Variants in STX8 observed in about 807,000 individuals in gnomAD.
STX8 encodes syntaxin 8, also known as syntaxin-8.
In STX8, 23 loss-of-function variants were observed where a neutral mutation model predicts 37.5. The ratio of observed to expected loss-of-function variants is 0.61; its 90% confidence interval spans 0.44 to 0.87. The LOEUF (loss-of-function observed/expected upper bound fraction) is 0.87. Ranked by LOEUF, STX8 falls within the 40% of genes least tolerant of loss-of-function variation. The pLI is 0.00. For missense variants in STX8, 313 were observed against 284.7 expected (o/e 1.10, Z -0.71); for synonymous variants, 115 against 99.1 (o/e 1.16, Z -0.95).
chr17:9,407,279 T>G (rs866878869), intron 6 of STX8, among the ~76,000 whole-genome samples: 1 of 152,152 alleles, frequency 6.6e-6, no homozygotes, highest in African/African-American at 2.4e-5. Context: ...CCCCCCTGCC[T>G]TGGCCTCCCA....
At chr17:9,569,415 T>C (rs1034443646) in intron 1 of STX8, 3 of 154,468 alleles carry the variant, frequency 1.9e-5, no homozygotes, top group African/African-American at 7.2e-5. Flanking sequence ...TGCAGATGCC[T>C]GGGGGCGGCT....
chr17:9,437,573 A>C (rs1355733759), intron 6 of STX8, among the ~76,000 whole-genome samples: 1 of 152,230 alleles, frequency 6.6e-6, no homozygotes, highest in Non-Finnish European at 1.5e-5. Context: ...CTACAGCTAC[A>C]CATTTACTCT....
At chr17:9,285,562 C>G (rs1033759176) in intron 7 of STX8, among the ~76,000 whole-genome samples, 7 of 152,202 alleles carry the variant, frequency 4.6e-5, no homozygotes, top group African/African-American at 1.7e-4. Context: ...GGGTGAAGCC[C>G]AGAACATTAC....
chr17:9,316,964 C>A (rs568350375), intron 7 of STX8, among the ~76,000 whole-genome samples: 4 of 152,072 alleles, frequency 2.6e-5, no homozygotes, highest in Admixed American at 1.3e-4. Context: ...TGAAGCATTG[C>A]GGGTGAGGAG....
chr17:9,430,661 T>A (rs1191453203), intron 6 of STX8, among the ~76,000 whole-genome samples: 2 of 150,502 alleles, frequency 1.3e-5, no homozygotes, highest in Non-Finnish European at 3.0e-5. Flanking sequence ...TTTTTTTTTT[T>A]TTTTTTGAGA....
At chr17:9,437,130 T>C (rs1187584867) in intron 6 of STX8, among the ~76,000 whole-genome samples, 1 of 152,250 alleles carries the variant, frequency 6.6e-6, no homozygotes, top group Non-Finnish European at 1.5e-5. Context: ...CAGACAGTTG[T>C]ACTATTAATT....
intron 7 of STX8, among the ~76,000 whole-genome samples, chr17:9,267,120 T>C (rs1316789278): frequency 6.6e-6 from 1 of 152,164 alleles, no homozygotes; most frequent in Non-Finnish European, 1.5e-5. Context: ...TTTCCCTCTT[T>C]GGAAGCTGTA....
chr17:9,283,984 T>G (rs1017411270), intron 7 of STX8, among the ~76,000 whole-genome samples: 1 of 152,228 alleles, frequency 6.6e-6, no homozygotes, highest in African/African-American at 2.4e-5. Context: ...GAAGCCTTTT[T>G]TATTCTAAAG....
At chr17:9,349,085 G>A (rs773803408) in intron 7 of STX8, among the ~76,000 whole-genome samples, 5 of 152,094 alleles carry the variant, frequency 3.3e-5, no homozygotes, top group Non-Finnish European at 5.9e-5. Context: ...TCTGCCTTCC[G>A]GGTTCAAGTG....
At chr17:9,441,474 C>T (rs1471021470) in intron 6 of STX8, among the ~76,000 whole-genome samples, 16 of 142,786 alleles carry the variant, frequency 1.1e-4, no homozygotes, top group Non-Finnish European at 2.1e-4. Context: ...TGGCACAGAG[C>T]GAGACTCCAT....
rs114795702 is a variant in STX8 at position 9,520,904 on chromosome 17, G to A, written c.324-15742C>T. On this transcript the variant is annotated intron_variant, in intron 4 of 7. Coordinates refer to ENST00000306357, the MANE Select transcript of STX8 (RefSeq NM_004853.3). ...TGTCTGGAAAAAATATCAGTGTTTG[G>A]GCATTCACAGACCACAGGGAGGTTT... Among the ~76,000 whole-genome samples, 439 of 152,244 alleles carry A rather than the reference G, an allele frequency of 2.9e-3. 3 individuals are homozygous for A. The highest frequency in any genetic ancestry group is 1.0e-2 in the African/African-American group (415 of 41,536).
At chr17:9,477,371 A>G (rs1453168524) in intron 6 of STX8, among the ~76,000 whole-genome samples, 2 of 152,238 alleles carry the variant, frequency 1.3e-5, no homozygotes, top group East Asian at 3.8e-4. Flanking sequence ...TGAATAAACC[A>G]AAACTTACCT....
intron 6 of STX8, among the ~76,000 whole-genome samples, chr17:9,457,865 C>T (rs1905225701): frequency 1.3e-5 from 2 of 152,218 alleles, no homozygotes; most frequent in South Asian, 4.1e-4. Context: ...AACGGGTTAC[C>T]TGCCCATTAT....
chr17:9,355,448 C>G (rs563643968), intron 7 of STX8, among the ~76,000 whole-genome samples: 1 of 150,508 alleles, frequency 6.6e-6, no homozygotes, highest in Non-Finnish European at 1.5e-5. Flanking sequence ...AATCTCCTCT[C>G]GCCTGTCTCC....
chr17:9,289,551 G>T (rs1284005500), intron 7 of STX8, among the ~76,000 whole-genome samples: 1 of 150,186 alleles, frequency 6.7e-6, no homozygotes, highest in Admixed American at 6.6e-5. Flanking sequence ...TTTAGGGCAA[G>T]AATTATAATA....
chr17:9,285,013 G>A (rs1908024871), intron 7 of STX8, among the ~76,000 whole-genome samples: 1 of 152,086 alleles, frequency 6.6e-6, no homozygotes, highest in Non-Finnish European at 1.5e-5. Flanking sequence ...GGAATACTAG[G>A]TTCCATTCTC....
intron 6 of STX8, among the ~76,000 whole-genome samples, chr17:9,475,600 C>T (rs181194109): frequency 9.2e-5 from 14 of 152,212 alleles, no homozygotes; most frequent in African/African-American, 2.4e-4. Context: ...CCTGGGAGTG[C>T]GCATGGTGTT....
At chr17:9,445,306 T>C (rs1016659252) in intron 6 of STX8, among the ~76,000 whole-genome samples, 1 of 151,746 alleles carries the variant, frequency 6.6e-6, no homozygotes, top group Admixed American at 6.6e-5. Flanking sequence ...TTTTTTCCTT[T>C]TCCCACTGCG....
intron 6 of STX8, among the ~76,000 whole-genome samples, chr17:9,385,963 G>A (rs9904486): frequency 0.23 from 35,001 of 152,034 alleles, 4,103 homozygotes; most frequent in African/African-American, 0.26. Flanking sequence ...TAGTAGAGAC[G>A]GGGTTTCACC....
Sources: gnomAD v4.1 joint callset for allele counts (sites outside exome capture counted in the v4.1 genomes callset) on GRCh38, gnomAD v4.1.1 for gene constraint, MANE v1.5 for transcripts, NCBI Gene and HGNC (gene_info 2026-07-23, HGNC 2026-07-21) for gene names.